The following RHPN2 variants were observed in gnomAD, a reference collection of about 807,000 sequenced individuals.
RHPN2 encodes rhophilin Rho GTPase binding protein 2, also known as rhophilin-2.
In RHPN2, 40 loss-of-function variants were observed where a neutral mutation model predicts 79.0. The ratio of observed to expected loss-of-function variants is 0.51; its 90% CI spans 0.39 to 0.66. The LOEUF (loss-of-function observed/expected upper bound fraction) is 0.66. RHPN2 is among the 30% of genes least tolerant of loss of function. RHPN2 has a pLI of 0.00. For synonymous variants in RHPN2, 285 were observed against 363.5 expected (o/e 0.78, Z 2.46); for missense variants, 686 against 883.5 (o/e 0.78, Z 2.83).
chr19:33,024,811 T>C (rs1599823012), intron 3 of RHPN2, among the ~76,000 whole-genome samples: 1 of 152,204 alleles, frequency 6.6e-6, no homozygotes, highest in East Asian at 1.9e-4. Context: ...GACAGGACTT[T>C]TTTCTGTTGC....
rs1599829344 is a variant in RHPN2, at chr19:33,037,423, C to T, written c.185+6826G>A. Among the ~76,000 whole-genome samples, 5 of 152,178 alleles carry T rather than the reference C, an allele frequency of 3.3e-5. No homozygotes were observed. The South Asian group carries it at 1.0e-3, about 31-fold the overall frequency. On this transcript the variant is annotated intron_variant, in intron 2 of 14. Coordinates refer to ENST00000254260, the MANE Select transcript of RHPN2 (RefSeq NM_033103.5). ...AGAGAATAAAAGCAGGCTGCCTGAG[C>T]CAGCAGTAGCAACCTGCTCTGGTCC...
At chr19:33,063,463 G>T (rs1972298632) in intron 1 of RHPN2, among the ~76,000 whole-genome samples, 1 of 152,120 alleles carries the variant, frequency 6.6e-6, no homozygotes, top group Admixed American at 6.6e-5. Flanking sequence ...GAATTGATTC[G>T]TTTATGGGAA....
intron 11 of RHPN2, among the ~76,000 whole-genome samples, chr19:32,995,610 G>C (rs549016991): frequency 5.3e-5 from 8 of 152,208 alleles, no homozygotes; most frequent in African/African-American, 1.9e-4. Flanking sequence ...GGTAATCCCA[G>C]CACTTTGGGA....
intron 3 of RHPN2, among the ~76,000 whole-genome samples, chr19:33,022,066 G>A (rs758805810): frequency 6.6e-6 from 1 of 151,848 alleles, no homozygotes; most frequent in Non-Finnish European, 1.5e-5. Flanking sequence ...TCAGCCCCCC[G>A]AGTAACTGGG....
At chr19:32,998,435 G>A (rs2146006806) in intron 10 of RHPN2, among the ~76,000 whole-genome samples, 1 of 152,208 alleles carries the variant, frequency 6.6e-6, no homozygotes, top group Non-Finnish European at 1.5e-5. Flanking sequence ...TGGAGGCCAG[G>A]AGTTCAAAAC....
chr19:32,980,791 C>A (rs564808501), intron 14 of RHPN2, among the ~76,000 whole-genome samples: 1 of 152,080 alleles, frequency 6.6e-6, no homozygotes, highest in Non-Finnish European at 1.5e-5. Context: ...GTAGCTGGGG[C>A]TCTAGGTGTG....
At chr19:33,046,931 C>T (rs916189794) in intron 1 of RHPN2, among the ~76,000 whole-genome samples, 26 of 151,900 alleles carry the variant, frequency 1.7e-4, no homozygotes, top group African/African-American at 6.0e-4. Flanking sequence ...GATCTTGGCT[C>T]ACTGCAACCT....
intron 3 of RHPN2, among the ~76,000 whole-genome samples, chr19:33,022,033 C>T (rs1396331324): frequency 6.6e-5 from 10 of 152,064 alleles, no homozygotes; most frequent in African/African-American, 9.7e-5. Flanking sequence ...CTCTGCCTCT[C>T]GGGTTCAAGC....
intron 1 of RHPN2, among the ~76,000 whole-genome samples, chr19:33,061,395 C>T (rs1235214654): frequency 4.6e-5 from 7 of 151,240 alleles, no homozygotes; most frequent in African/African-American, 7.3e-5. Flanking sequence ...TTAGTAGAGA[C>T]GGGGTTTCAC....
chr19:32,992,113 C>T (rs1971665043), intron 12 of RHPN2, 144 bp from the exon 13 acceptor site: 5 of 816,250 alleles, frequency 6.1e-6, no homozygotes, highest in African/African-American at 1.7e-5. Context: ...ATACATGCTA[C>T]AGCAGTCATG....
At chr19:33,049,002 T>A (rs1364751761) in intron 1 of RHPN2, among the ~76,000 whole-genome samples, 1 of 152,100 alleles carries the variant, frequency 6.6e-6, no homozygotes, top group Non-Finnish European at 1.5e-5. Context: ...CAACTTCTGC[T>A]GGCCTGGAAT....
intron 4 of RHPN2, 145 bp from the exon 5 acceptor site, chr19:33,012,869 T>C (rs1158285717): frequency 7.8e-6 from 5 of 638,994 alleles, no homozygotes; most frequent in Non-Finnish European, 1.4e-5. Context: ...GGGAATTTAT[T>C]TTCTTAATTT....
chr19:33,031,248 CTAT>C (rs1972009093), intron 2 of RHPN2, among the ~76,000 whole-genome samples: 1 of 151,462 alleles, frequency 6.6e-6, no homozygotes, highest in Non-Finnish European at 1.5e-5. Context: ...CTATTCTATT[CTAT>C]TCTACTCTAT....
intron 14 of RHPN2, among the ~76,000 whole-genome samples, chr19:32,988,396 G>A (rs1210057380): frequency 6.6e-6 from 1 of 151,894 alleles, no homozygotes; most frequent in East Asian, 1.9e-4. Flanking sequence ...TATGTCCCAG[G>A]GCCACTCATG....
intron 2 of RHPN2, among the ~76,000 whole-genome samples, chr19:33,037,840 C>T (rs1185708894): frequency 6.6e-6 from 1 of 151,324 alleles, no homozygotes; most frequent in Non-Finnish European, 1.5e-5. Context: ...GACCAAGAAC[C>T]CACCAATTCC....
intron 14 of RHPN2, among the ~76,000 whole-genome samples, chr19:32,984,410 C>G (rs1224154601): frequency 6.6e-6 from 1 of 152,126 alleles, no homozygotes; most frequent in African/African-American, 2.4e-5. Context: ...GTAATCCCAG[C>G]ACTTTTGGGA....
At chr19:33,060,462 C>G (rs1005052800) in intron 1 of RHPN2, among the ~76,000 whole-genome samples, 10 of 152,144 alleles carry the variant, frequency 6.6e-5, no homozygotes, top group Admixed American at 5.9e-4. Flanking sequence ...GACCCCTGGT[C>G]TGAGCTAAGG....
At chr19:32,986,982 TC>T (rs1599805897) in intron 14 of RHPN2, among the ~76,000 whole-genome samples, 1 of 151,312 alleles carries the variant, frequency 6.6e-6, no homozygotes, top group East Asian at 2.0e-4. Context: ...GCTCAAGTGA[TC>T]CTCCTGCCTC....
chr19:33,057,906 T>C (rs1329351878), intron 1 of RHPN2, among the ~76,000 whole-genome samples: 2 of 152,016 alleles, frequency 1.3e-5, no homozygotes, highest in East Asian at 1.9e-4. Context: ...ACACCTGTAA[T>C]CCCAGCACTT....
Sources: gnomAD v4.1 joint callset for allele counts (sites outside exome capture counted in the v4.1 genomes callset) on GRCh38, gnomAD v4.1.1 for gene constraint, MANE v1.5 for transcripts, NCBI Gene and HGNC (gene_info 2026-07-23, HGNC 2026-07-21) for gene names.